Variants in CAST observed in about 807,000 individuals in gnomAD.
The protein encoded by CAST is MIR583 host.
A neutral mutation model predicts 119.6 loss-of-function variants in CAST; 76 were observed. The ratio of observed to expected loss-of-function variants is 0.64; its 90% CI spans 0.53 to 0.77. CAST has a LOEUF of 0.77. CAST is among the 30% of genes least tolerant of loss of function. CAST has a pLI of 0.00. For missense variants in CAST, 953 were observed against 946.5 expected, an observed-to-expected ratio of 1.01 and a Z score of -0.09; for synonymous variants, 319 against 331.6, an observed-to-expected ratio of 0.96 and a Z score of 0.41.
chr5:96,601,355 G>A (rs925122505), intron 1 of CAST, among the ~76,000 whole-genome samples: 24 of 152,204 alleles, frequency 1.6e-4, no homozygotes, highest in African/African-American at 5.5e-4. Context: ...GCTTTTGCAT[G>A]TGCTGCCTGA....
chr5:96,590,949 A>C (rs898084052), intron 1 of CAST, among the ~76,000 whole-genome samples: 1 of 152,234 alleles, frequency 6.6e-6, no homozygotes, highest in African/African-American at 2.4e-5. Context: ...ACCTTTAGCA[A>C]TGGCAACAGA....
chr5:96,626,011 T>G (rs947022049), intron 1 of CAST, among the ~76,000 whole-genome samples: 3 of 152,202 alleles, frequency 2.0e-5, no homozygotes, highest in Non-Finnish European at 4.4e-5. Flanking sequence ...CAGGCCTGCA[T>G]TGTAGTCTGA....
the CAST span, among the ~76,000 whole-genome samples, chr5:96,334,621 C>T: frequency 6.6e-6 from 1 of 152,212 alleles, no homozygotes; most frequent in Admixed American, 6.5e-5. Context: ...TACAATGCCA[C>T]TTCCTCAGGT....
chr5:96,490,180 C>T, the CAST span, among the ~76,000 whole-genome samples: 4 of 152,320 alleles, frequency 2.6e-5, no homozygotes, highest in Non-Finnish European at 5.9e-5. Context: ...ACCTAACATC[C>T]TCTTTTGTGC....
chr5:96,191,876 G>A, the CAST span, among the ~76,000 whole-genome samples: 2 of 152,094 alleles, frequency 1.3e-5, no homozygotes, highest in Non-Finnish European at 2.9e-5. Flanking sequence ...CCAGCTGATG[G>A]AATTTTTTTA....
At chr5:96,170,792 T>G in the CAST span, among the ~76,000 whole-genome samples, 1 of 152,166 alleles carries the variant, frequency 6.6e-6, no homozygotes, top group African/African-American at 2.4e-5. Flanking sequence ...GACTATACCT[T>G]TAGCTCCAGC....
chr5:96,060,237 C>T, the CAST span, among the ~76,000 whole-genome samples: 4 of 152,050 alleles, frequency 2.6e-5, no homozygotes, highest in South Asian at 2.1e-4. Flanking sequence ...TTATATAGTC[C>T]GAAGGGACAC....
chr5:96,483,435 A>G, the CAST span, among the ~76,000 whole-genome samples: 5 of 152,180 alleles, frequency 3.3e-5, no homozygotes, highest in Admixed American at 6.5e-5. Context: ...CTACTAGAGT[A>G]AATTCACACT....
At chr5:96,436,958 G>A in the CAST span, among the ~76,000 whole-genome samples, 2 of 152,148 alleles carry the variant, frequency 1.3e-5, no homozygotes, top group African/African-American at 4.8e-5. Context: ...TTCACATGAT[G>A]GAAATAGACA....
chr5:96,518,599 A>G, the CAST span, among the ~76,000 whole-genome samples: 1 of 152,194 alleles, frequency 6.6e-6, no homozygotes, highest in Non-Finnish European at 1.5e-5. Context: ...AAGCAGTTAT[A>G]ATGATTGCAA....
the CAST span, among the ~76,000 whole-genome samples, chr5:96,232,820 T>C: frequency 3.7e-4 from 56 of 152,132 alleles, no homozygotes; most frequent in Admixed American, 5.9e-4. Context: ...TGTTCATGGA[T>C]AGAGAGATTC....
At chr5:96,119,957 G>A in the CAST span, among the ~76,000 whole-genome samples, 1 of 152,110 alleles carries the variant, frequency 6.6e-6, no homozygotes, top group Non-Finnish European at 1.5e-5. Flanking sequence ...AATGACAGCT[G>A]GACATCACCA....
intron 2 of CAST, among the ~76,000 whole-genome samples, chr5:96,676,995 A>C (rs1750791004): frequency 6.6e-6 from 1 of 151,786 alleles, no homozygotes; most frequent in Non-Finnish European, 1.5e-5. Context: ...CAGAGGTTGC[A>C]GTGAGCCGAG....
the CAST span, among the ~76,000 whole-genome samples, chr5:96,035,621 G>T: frequency 6.6e-6 from 1 of 151,884 alleles, no homozygotes. Flanking sequence ...AGAGTGGAAT[G>T]GGGGGAATTG....
At chr5:95,971,117 C>A in the CAST span, among the ~76,000 whole-genome samples, 15 of 152,046 alleles carry the variant, frequency 9.9e-5, no homozygotes, top group African/African-American at 3.6e-4. Flanking sequence ...TTAGCTTTGT[C>A]AAGTGTTGAA....
chr5:96,761,362 G>GTACTAA (rs1487698794), intron 24 of CAST: 1 of 152,066 alleles, frequency 6.6e-6, no homozygotes, highest in Non-Finnish European at 1.5e-5. Flanking sequence ...GTACATTTTG[G>GTACTAA]ATTACCTAAA....
chr5:96,150,691 G>A, the CAST span, among the ~76,000 whole-genome samples: 67 of 152,244 alleles, frequency 4.4e-4, no homozygotes, highest in Middle Eastern at 3.4e-3. Context: ...GAGAAACTAC[G>A]GAGTGAGGTG....
chr5:96,233,828 C>A, the CAST span, among the ~76,000 whole-genome samples: 7 of 151,948 alleles, frequency 4.6e-5, no homozygotes, highest in African/African-American at 7.3e-5. Context: ...AAAACAGAAA[C>A]CTTATATCTT....
At chr5:96,035,513 T>G in the CAST span, among the ~76,000 whole-genome samples, 6 of 152,076 alleles carry the variant, frequency 3.9e-5, no homozygotes, top group East Asian at 9.7e-4. Context: ...GAATCTGTAT[T>G]TTTAACAAGG....
Sources: gnomAD v4.1 joint callset for allele counts (sites outside exome capture counted in the v4.1 genomes callset) on GRCh38, gnomAD v4.1.1 for gene constraint, MANE v1.5 for transcripts, NCBI Gene and HGNC (gene_info 2026-07-23, HGNC 2026-07-21) for gene names.